STAT3: variants seen among roughly 807,000 people sequenced by gnomAD.
The protein encoded by STAT3 is signal transducer and activator of transcription 3.
A neutral mutation model predicts 114.3 loss-of-function variants in STAT3; 7 were observed. The ratio of observed to expected loss-of-function variants is 0.06; its 90% CI spans 0.03 to 0.11. The LOEUF is 0.11. Ranked by LOEUF, STAT3 falls within the 10% of genes least tolerant of loss-of-function variation. The probability of loss-of-function intolerance (pLI) is 1.00; values close to 1 mark genes in which losing one functional copy is unlikely to be tolerated. For missense variants in STAT3, 364 were observed against 960.9 expected (o/e 0.38, Z 8.21); for synonymous variants, 331 against 354.5 (o/e 0.93, Z 0.74).
chr17:42,327,021 T>C (rs1029647160), intron 14 of STAT3, among the ~76,000 whole-genome samples: 3 of 152,170 alleles, frequency 2.0e-5, no homozygotes, highest in African/African-American at 7.2e-5. Context: ...GAACTTCCAA[T>C]GCTGTGATCC....
chr17:42,387,597 T>C (rs1170896672), intron 1 of STAT3: 2 of 152,080 alleles, frequency 1.3e-5, no homozygotes, highest in African/African-American at 2.4e-5. Flanking sequence ...TTTTATTTTG[T>C]CTTTTTTTCT....
chr17:42,347,023 T>C (rs2082728882), intron 2 of STAT3, among the ~76,000 whole-genome samples: 2 of 151,848 alleles, frequency 1.3e-5, no homozygotes, highest in African/African-American at 2.4e-5. Flanking sequence ...ACGCTGTCTC[T>C]ACTAAAAATA....
At chr17:42,388,196 C>G (rs1055411928) in intron 1 of STAT3, 83 bp downstream of exon 1, 38 of 1,224,336 alleles carry the variant, frequency 3.1e-5, no homozygotes, top group Non-Finnish European at 3.6e-5. Context: ...CACAACATCC[C>G]CAAGGTCCCA....
chr17:42,326,395 C>T (rs1172225713), intron 14 of STAT3, among the ~76,000 whole-genome samples, 196 bp from the exon 15 acceptor site: 1 of 152,142 alleles, frequency 6.6e-6, no homozygotes, highest in Non-Finnish European at 1.5e-5. Context: ...ATAGCCCCAG[C>T]TACTCGAGAG....
At position 42,316,884 on chromosome 17, in the gene STAT3, G is replaced by C. The variant is rs774279920; in HGVS notation, c.2162C>G (p.Thr721Ser). ...GCGGGGGGACATCGGCAGGTCAATGGTATTGCTGCAGGTCGTTCTGTAGGA... is the reference window on the plus strand; with the variant it reads ...GCGGGGGGACATCGGCAGGTCAATGCTATTGCTGCAGGTCGTTCTGTAGGA... ...ICVTPTTCSN[T>S]IDLPMSPRTL... Residue 721 changes from threonine to serine, a missense_variant, in exon 23 of 24, where the codon ACC becomes AGC. This residue lies in a region of STAT3 where 37 missense variants were observed against 66.5 expected (regional missense o/e 0.56). Transcript: ENST00000264657. The C allele has an allele frequency of 7.4e-6, 12 of 1,612,508 alleles. No homozygotes were observed. Among genetic ancestry groups the C allele is most frequent in the South Asian group, 5.5e-5 (5 of 91,000 alleles).
At chr17:42,367,693 C>T (rs1003972714) in intron 1 of STAT3, among the ~76,000 whole-genome samples, 1 of 152,158 alleles carries the variant, frequency 6.6e-6, no homozygotes, top group South Asian at 2.1e-4. Flanking sequence ...CAGTACTCAT[C>T]GCCCTCCATT....
chr17:42,326,968 C>G (rs1208263597), intron 14 of STAT3, among the ~76,000 whole-genome samples: 2 of 152,138 alleles, frequency 1.3e-5, no homozygotes, highest in African/African-American at 4.8e-5. Context: ...AAACAAACTG[C>G]CAGGGACACA....
chr17:42,383,414 G>A (rs2084912286), intron 1 of STAT3, among the ~76,000 whole-genome samples: 1 of 151,354 alleles, frequency 6.6e-6, no homozygotes, highest in Admixed American at 6.6e-5. Flanking sequence ...TGTTGCCCAG[G>A]CTGGTCTTGA....
In STAT3 at chr17:42,333,642, C is replaced by A. The variant is rs2144826612; in HGVS notation, c.1049+31G>T. On this transcript the variant is annotated intron_variant, in intron 10 of 23. Coordinates refer to ENST00000264657, the MANE Select transcript of STAT3 (RefSeq NM_139276.3). The surrounding 1 kb of genome is among the most constrained non-coding windows in gnomAD (Gnocchi z 5.2). ...CCCTAACAGTGTCCCTCAGTAAAAT[C>A]TCTACTGGAAATGGAAGTGGCATGG... 1 of 1,611,596 alleles carries A rather than the reference C, an allele frequency of 6.2e-7. No homozygotes were observed.
At chr17:42,352,651 C>CAAAAAAAA (rs766577639) in intron 1 of STAT3, among the ~76,000 whole-genome samples, 1 of 78,914 alleles carries the variant, frequency 1.3e-5, no homozygotes, top group Non-Finnish European at 2.6e-5. Context: ...GACTCTGTCT[C>CAAAAAAAA]AAAAAAAAAA....
In STAT3 at chr17:42,345,646, A is replaced by G; in HGVS notation, c.285T>C (p.Leu95=). 1.2e-6 allele frequency: 2 copies of G among 1,603,734 alleles called. No individual in the cohort carries two copies. Among genetic ancestry groups the G allele is most frequent in the Non-Finnish European group, 1.7e-6 (2 of 1,173,914 alleles). ...TCCGGGCAATCTCCATTGGCTTCTC[A>G]AGATACCTGCTCTATAAGTAGGAGA... The part of the protein sequence containing the change: ...RIKQFLQSRY[L]EKPMEIARIV... Residue 95 remains leucine (L), a synonymous_variant, in exon 4 of 24, where the codon CTT becomes CTC. Coordinates refer to ENST00000264657, the MANE Select transcript of STAT3 (RefSeq NM_139276.3).
At chr17:42,361,608 G>A (rs1021225437) in intron 1 of STAT3, among the ~76,000 whole-genome samples, 2 of 152,076 alleles carry the variant, frequency 1.3e-5, no homozygotes, top group African/African-American at 2.4e-5. Context: ...GCTCAACTCT[G>A]AATACGCCTC....
At position 42,348,550 on chromosome 17, in the gene STAT3, A is replaced by C. The variant is rs1325716222; in HGVS notation, c.-23-11T>G. On this transcript the variant is annotated splice_polypyrimidine_tract_variant and intron_variant, in intron 1 of 23. Coordinates refer to ENST00000264657, the MANE Select transcript of STAT3 (RefSeq NM_139276.3). ...AATCAGGGGTCCCAACTGTAAACCAAAGTGTGCATATGTTCACCACAAGTC... is the reference window on the plus strand; with the variant it reads ...AATCAGGGGTCCCAACTGTAAACCACAGTGTGCATATGTTCACCACAAGTC... 2 of 1,612,376 alleles carry C rather than the reference A, an allele frequency of 1.2e-6. No individual in the cohort carries two copies. The highest frequency in any genetic ancestry group is 2.7e-5 in the African/African-American group (2 of 74,876).
At chr17:42,385,888 C>T (rs561076172) in intron 1 of STAT3, among the ~76,000 whole-genome samples, 21 of 152,304 alleles carry the variant, frequency 1.4e-4, no homozygotes, top group Non-Finnish European at 2.5e-4. Flanking sequence ...TAAGCAAGCT[C>T]CATTTGTATT....
rs528880123 is a variant in STAT3 at position 42,342,320 on chromosome 17, A to G, written c.373-2911T>C. Among the ~76,000 whole-genome samples the G allele has an allele frequency of 9.2e-5, 14 of 152,142 alleles. 1 individual carries two copies. The South Asian group carries it at 2.9e-3, about 32-fold the overall frequency. ...CAATATGGTGAAACCCTATCTCACT[A>G]AAAATACAAAAAATTAGCCCAGTGT... On this transcript the variant is annotated intron_variant, in intron 4 of 23. Transcript: ENST00000264657.
At chr17:42,366,670 C>CAAAAA (rs34003618) in intron 1 of STAT3, among the ~76,000 whole-genome samples, 2 of 57,632 alleles carry the variant, frequency 3.5e-5, no homozygotes, top group Non-Finnish European at 6.7e-5. Context: ...GATCCTGTCT[C>CAAAAA]AAAAAAAAAA....
Position 42,333,602 on chromosome 17 carries a change from C to T in STAT3, c.1049+71G>A. 1.3e-6 allele frequency: 2 copies of T among 1,567,090 alleles called. No homozygotes were observed. The highest frequency in any genetic ancestry group is 1.8e-6 in the Non-Finnish European group (2 of 1,139,970). On this transcript the variant is annotated intron_variant, in intron 10 of 23. Coordinates refer to ENST00000264657, the MANE Select transcript of STAT3 (RefSeq NM_139276.3). The surrounding 1 kb of genome is among the most constrained non-coding windows in gnomAD (Gnocchi z 5.2). ...CACCTGGAAAGAATGACCCTGGCCA[C>T]CAACTCTACCCTCACCCTAACAGTG...
rs2081560467 is a variant in STAT3, at chr17:42,323,310, G to A, written c.1698C>T (p.Asp566=). ...GKGFSFWVWL[D]NIIDLVKKYI... The stretch of plus-strand genomic sequence containing the variant: ...ACTTTTTCACAAGGTCAATGATATT[G>A]TCCAGCCAGACCCAGAAGGAGAAGC... Residue 566 remains aspartate, a synonymous_variant, in exon 19 of 24, where the codon GAC becomes GAT. Coordinates refer to ENST00000264657, the MANE Select transcript of STAT3 (RefSeq NM_139276.3). 1 of 1,614,152 alleles carries A rather than the reference G, an allele frequency of 6.2e-7. No individual in the cohort carries two copies. The highest frequency in any genetic ancestry group is 8.5e-7 in the Non-Finnish European group (1 of 1,180,030).
At chr17:42,355,549 T>C (rs1177032370) in intron 1 of STAT3, among the ~76,000 whole-genome samples, 1 of 152,158 alleles carries the variant, frequency 6.6e-6, no homozygotes, top group East Asian at 1.9e-4. Flanking sequence ...CTGTTTTCTA[T>C]AACTGAAGAG....
Sources: gnomAD v4.1 joint callset for allele counts (sites outside exome capture counted in the v4.1 genomes callset) on GRCh38, gnomAD v4.1.1 for gene constraint, gnomAD v4.1.1 regional missense constraint, Gnocchi (gnomAD v3.1) non-coding constraint, MANE v1.5 for transcripts, NCBI Gene and HGNC (gene_info 2026-07-23, HGNC 2026-07-21) for gene names.